The following ARID3A variants were observed in gnomAD, a reference collection of about 807,000 sequenced individuals.
ARID3A encodes the protein AT-rich interaction domain 3A.
In ARID3A, 11 loss-of-function variants were observed where a neutral mutation model predicts 52.7. That is an observed-to-expected ratio of 0.21 (90% confidence interval 0.13 to 0.35). The LOEUF is 0.35. Ranked by LOEUF, ARID3A falls within the 10% of genes least tolerant of loss-of-function variation. The pLI, the probability that ARID3A is intolerant of heterozygous loss-of-function variation, is 1.00. For missense variants in ARID3A, 721 were observed against 838.5 expected (o/e 0.86, Z 1.73); for synonymous variants, 404 against 359.4 (o/e 1.12, Z -1.40).
chr19:958,924 T>A (rs1030526268), intron 3 of ARID3A, among the ~76,000 whole-genome samples: 5 of 152,184 alleles, frequency 3.3e-5, no homozygotes. Context: ...TTGTGCACCT[T>A]TTCTGTGTTC....
At chr19:950,625 G>A (rs901720227) in intron 3 of ARID3A, among the ~76,000 whole-genome samples, 1 of 152,202 alleles carries the variant, frequency 6.6e-6, no homozygotes, top group Non-Finnish European at 1.5e-5. Flanking sequence ...GGGAGCCACG[G>A]TTGACCGTGG....
In ARID3A at chr19:944,281, C is replaced by T. The variant is rs1052301692; in HGVS notation, c.693+11539C>T. On this transcript the variant is annotated intron_variant, in intron 3 of 8. Coordinates refer to ENST00000263620, the MANE Select transcript of ARID3A (RefSeq NM_005224.3). This position sits in a 1 kb window ranked among gnomAD's most constrained non-coding sequence, Gnocchi z 5.9. ...GCCTGTCTCGCCGTTATCTCCCAGG[C>T]GTGTCTGCTCCCCGTGTGTCTGGCT... is the stretch of plus-strand genomic sequence containing the variant. 7.2e-5 allele frequency among the ~76,000 whole-genome samples: 11 copies of T among 151,848 alleles called. No homozygotes were observed. Among genetic ancestry groups the T allele is most frequent in the Non-Finnish European group, 1.3e-4 (9 of 67,998 alleles).
intron 6 of ARID3A, among the ~76,000 whole-genome samples, chr19:965,767 G>A (rs544139952): frequency 8.7e-4 from 133 of 152,030 alleles, no homozygotes; most frequent in Admixed American, 2.2e-3. Flanking sequence ...TGAGGCAGGC[G>A]GATCGCTTGA....
rs141423769 is a variant in ARID3A, at chr19:971,909, G to C, written c.1626G>C (p.Thr542=). The change falls in exon 9 of 9, where the codon ACG becomes ACC. Residue 542 remains threonine, a synonymous_variant. Transcript: ENST00000263620. The part of the protein sequence containing the change: ...GVLFAQPPAP[T]PTSAPNKGGG... The stretch of plus-strand genomic sequence containing the variant: ...TGTTTGCTCAGCCGCCGGCCCCCAC[G>C]CCAACCTCTGCTCCCAACAAAGGAG... The C allele has an allele frequency of 6.3e-4, 1,002 of 1,602,484 alleles. 8 individuals carry two copies. In the African/African-American group the frequency reaches 0.011, roughly 18 times the overall value.
At chr19:969,734 C>G (rs992812742) in intron 8 of ARID3A, among the ~76,000 whole-genome samples, 22 of 150,008 alleles carry the variant, frequency 1.5e-4, no homozygotes, top group Middle Eastern at 3.5e-3. Flanking sequence ...GTCACCCAGG[C>G]TGGAGTGCAG....
chr19:927,624 T>C (rs950854133), intron 1 of ARID3A, among the ~76,000 whole-genome samples: 1 of 106,274 alleles, frequency 9.4e-6, no homozygotes, highest in African/African-American at 3.7e-5. Context: ...TTGTCCCAGG[T>C]GGGGGAGGGG....
At chr19:954,503 C>G (rs1173655942) in intron 3 of ARID3A, among the ~76,000 whole-genome samples, 3 of 152,216 alleles carry the variant, frequency 2.0e-5, no homozygotes, top group Non-Finnish European at 4.4e-5. Context: ...GCTGTGTGCC[C>G]GATTTTGGAT....
intron 3 of ARID3A, among the ~76,000 whole-genome samples, chr19:935,290 C>T (rs530360006): frequency 1.3e-5 from 2 of 151,892 alleles, no homozygotes; most frequent in South Asian, 2.1e-4. Context: ...CTCAGGGCCA[C>T]GGGTTCTTTC....
chr19:970,097 A>G (rs2365708), intron 8 of ARID3A, among the ~76,000 whole-genome samples: 143,291 of 151,974 alleles, frequency 0.94, 67,750 homozygotes, highest in East Asian at 1. Context: ...GGTGGGTCAC[A>G]AGGTCAGGAG....
At position 947,025 on chromosome 19, in the gene ARID3A, G is replaced by A. The variant is rs2037700189; in HGVS notation, c.694-13067G>A. Among the ~76,000 whole-genome samples the A allele has an allele frequency of 1.3e-5, 2 of 151,062 alleles. No homozygotes were observed. The highest frequency in any genetic ancestry group is 1.3e-4 in the Admixed American group (2 of 15,176). ...GCCCAGGCGGGTCTCAAACTCCTGG[G>A]CTCGAGCAGTCTGCCCACCTCGGCC... On this transcript the variant is annotated intron_variant, in intron 3 of 8. Transcript: ENST00000263620. The surrounding 1 kb of genome is among the most constrained non-coding windows in gnomAD (Gnocchi z 6.3).
Position 956,116 on chromosome 19 carries a change from C to A in ARID3A, c.694-3976C>A, listed in dbSNP as rs548299035. Among the ~76,000 whole-genome samples, 42 of 152,260 alleles carry A rather than the reference C, an allele frequency of 2.8e-4. No individual in the cohort carries two copies. In the South Asian group the frequency reaches 4.4e-3, roughly 16 times the overall value. On this transcript the variant is annotated intron_variant, in intron 3 of 8. Coordinates refer to ENST00000263620, the MANE Select transcript of ARID3A (RefSeq NM_005224.3). ...CAAAGGCCCTTTTTCCAAATAACGT[C>A]TCGTTCTGAGGTTCTGGGCCGATGT...
rs965652282 is a variant in ARID3A, at chr19:929,963, C to T, written c.368+67C>T. 4.6e-6 allele frequency: 7 copies of T among 1,524,548 alleles called. No homozygotes were observed. The African/African-American group carries it at 8.3e-5, about 18-fold the overall frequency. 94.4% of individuals were successfully genotyped at this position (1,524,548 alleles called of 1,614,324 possible). A position where few individuals can be genotyped will look rare whatever the true frequency, so the allele number is the denominator to read the frequency against. On this transcript the variant is annotated intron_variant, in intron 2 of 8. Coordinates refer to ENST00000263620, the MANE Select transcript of ARID3A (RefSeq NM_005224.3). The surrounding 1 kb of genome is among the most constrained non-coding windows in gnomAD (Gnocchi z 6.2). Reference sequence around the variant, plus strand: ...TGGCTCTGAGTGTCACTCTGCTCATCTGCAGAATGGGAGTAAGGGTCAGGT... The same window carrying T: ...TGGCTCTGAGTGTCACTCTGCTCATTTGCAGAATGGGAGTAAGGGTCAGGT...
intron 3 of ARID3A, among the ~76,000 whole-genome samples, chr19:939,479 T>C (rs149514396): frequency 2.1e-4 from 32 of 152,056 alleles, no homozygotes; most frequent in Non-Finnish European, 3.7e-4. Flanking sequence ...AGGAAGAAAA[T>C]GGAACGTTTA....
In ARID3A at chr19:932,514, C is replaced by G. The variant is rs565227251; in HGVS notation, c.465C>G (p.Asp155Glu). The change falls in exon 3 of 9, where the codon GAC (aspartate) becomes GAG (glutamate). Residue 155 changes from aspartate to glutamate, a missense_variant. This residue lies in a region of ARID3A where 349 missense variants were observed against 297.3 expected (regional missense o/e 1.17). Transcript: ENST00000263620. ...ACGAGGATGAGGAGGAGGAGGAGGACGAGGAGGGGCTGGGCCCCCCAGGCC... is the reference window on the plus strand; with the variant it reads ...ACGAGGATGAGGAGGAGGAGGAGGAGGAGGAGGGGCTGGGCCCCCCAGGCC... ...EDYEDEEEEEDEEGLGPPGPA... is the reference protein window; with the variant it reads ...EDYEDEEEEEEEEGLGPPGPA... 9 of 1,537,646 alleles carry G rather than the reference C, an allele frequency of 5.9e-6. No homozygotes were observed. The African/African-American group carries it at 1.1e-4, about 19-fold the overall frequency.
intron 6 of ARID3A, among the ~76,000 whole-genome samples, chr19:966,102 A>C (rs1230275079): frequency 1.3e-5 from 2 of 150,798 alleles, no homozygotes. Context: ...CAGAGGTTGC[A>C]GTGAGCTGGG....
intron 8 of ARID3A, among the ~76,000 whole-genome samples, chr19:968,989 T>C (rs1599429940): frequency 6.6e-6 from 1 of 151,918 alleles, no homozygotes; most frequent in Non-Finnish European, 1.5e-5. Context: ...GAGCAAAGAA[T>C]GTATAAGCCC....
At position 947,686 on chromosome 19, in the gene ARID3A, C is replaced by G. The variant is rs2037715461; in HGVS notation, c.694-12406C>G. The stretch of plus-strand genomic sequence containing the variant: ...GATCTGGAAATCCACAGAGAAGCAC[C>G]TTCACCACGCCAGCTTCCCGGGCCG... On this transcript the variant is annotated intron_variant, in intron 3 of 8. Coordinates refer to ENST00000263620, the MANE Select transcript of ARID3A (RefSeq NM_005224.3). This position sits in a 1 kb window ranked among gnomAD's most constrained non-coding sequence, Gnocchi z 6.3. Among the ~76,000 whole-genome samples, 1 of 152,234 alleles carries G rather than the reference C, an allele frequency of 6.6e-6. No homozygotes were observed. Among genetic ancestry groups the G allele is most frequent in the African/African-American group, 2.4e-5 (1 of 41,460 alleles).
rs928591479 is a variant in ARID3A at position 929,456 on chromosome 19, G to A, written c.-73G>A. 5.5e-5 allele frequency: 60 copies of A among 1,088,808 alleles called. No individual in the cohort carries two copies. Among genetic ancestry groups the A allele is most frequent in the Middle Eastern group, 7.3e-4 (2 of 2,732 alleles). The allele number at this position is 1,088,808 out of a possible 1,614,324, so 67.4% of individuals were successfully genotyped here. On this transcript the variant is annotated 5_prime_UTR_variant, in exon 2 of 9. Coordinates refer to ENST00000263620, the MANE Select transcript of ARID3A (RefSeq NM_005224.3). This position sits in a 1 kb window ranked among gnomAD's most constrained non-coding sequence, Gnocchi z 6.2. ...GCCGGGCCCCCTCCCCGCAGGGGCC[G>A]CCCCCGCCGCCCACCCCTAGCGCCC...
chr19:937,195 C>T (rs909874379), intron 3 of ARID3A, among the ~76,000 whole-genome samples: 3 of 152,006 alleles, frequency 2.0e-5, no homozygotes, highest in African/African-American at 2.4e-5. Context: ...ACCCGGGAGG[C>T]GGAGATTGCC....
Sources: allele counts gnomAD v4.1 joint callset (sites outside exome capture counted in the v4.1 genomes callset), GRCh38; gene constraint gnomAD v4.1.1; regional missense constraint gnomAD v4.1.1; non-coding constraint Gnocchi (gnomAD v3.1); transcripts MANE v1.5; gene names NCBI Gene and HGNC (gene_info 2026-07-23, HGNC 2026-07-21).